The following WDR6 variants were observed in gnomAD, a reference collection of about 807,000 sequenced individuals.
WDR6 encodes the protein tRNA (34-2'-O)-methyltransferase regulator WDR6.
In WDR6, 58 loss-of-function variants were observed where a neutral mutation model predicts 85.6. The ratio of observed to expected loss-of-function variants is 0.68; its 90% CI spans 0.55 to 0.84. WDR6 has a LOEUF of 0.84. Ranked by LOEUF, WDR6 falls within the 40% of genes least tolerant of loss-of-function variation. The pLI is 0.00. For missense variants in WDR6, 1,310 were observed against 1,476.4 expected, an observed-to-expected ratio of 0.89 and a Z score of 1.85; for synonymous variants, 569 against 582.2, an observed-to-expected ratio of 0.98 and a Z score of 0.33.
rs546787787 is a variant in WDR6 at position 49,013,639 on chromosome 3, G to A, written c.2105G>A (p.Arg702His). 2.5e-5 allele frequency: 41 copies of A among 1,613,990 alleles called. No homozygotes were observed. The highest frequency in any genetic ancestry group is 1.6e-4 in the South Asian group (15 of 91,086). The change falls in exon 2 of 6, where the codon CGT becomes CAT. Residue 702 changes from arginine to histidine, a missense_variant. Transcript: ENST00000608424. The surrounding 1 kb of genome is among the most constrained non-coding windows in gnomAD (Gnocchi z 4.6). ...ATTCTCCGGGAGGGTCTGCATGGCC[G>A]TGAGATCACTTGTGTAAAGCGTGTG... The part of the protein sequence containing the change: ...HVILREGLHG[R>H]EITCVKRVGT...
Position 49,015,151 on chromosome 3 carries a change from G to A in WDR6, c.3229G>A (p.Glu1077Lys). Residue 1077 changes from glutamate to lysine, a missense_variant, in exon 6 of 6, where the codon GAA (glutamate) becomes AAA (lysine). Physicochemically the swap from Glu to Lys is moderately conservative, Grantham distance 56 (BLOSUM62 1). Coordinates refer to ENST00000608424, the MANE Select transcript of WDR6 (RefSeq NM_018031.6). ...GACCTTCTGGCGTCTGGGGCATGGTGAACCCACCTTCATGAATAGCACTGT... is the reference window on the plus strand; with the variant it reads ...GACCTTCTGGCGTCTGGGGCATGGTAAACCCACCTTCATGAATAGCACTGT... ...RLTFWRLGHG[E>K]PTFMNSTVFH... 1 of 1,613,912 alleles carries A rather than the reference G, an allele frequency of 6.2e-7. No individual in the cohort carries two copies. Among genetic ancestry groups the A allele is most frequent in the Non-Finnish European group, 8.5e-7 (1 of 1,180,036 alleles).
At position 49,015,943 on chromosome 3, in the gene WDR6, T is replaced by A. The variant is rs776558997; in HGVS notation, c.*655T>A. On this transcript the variant is annotated 3_prime_UTR_variant, in exon 6 of 6. Transcript: ENST00000608424. ...CCCCAGGCCAGAATAAAGAATAGAG[T>A]GTAGAGTGTCCTGGTTGTCTATGCC... is the stretch of plus-strand genomic sequence containing the variant. 1.7e-5 allele frequency: 28 copies of A among 1,613,880 alleles called. No individual in the cohort carries two copies. The highest frequency in any genetic ancestry group is 2.4e-5 in the Non-Finnish European group (28 of 1,180,008).
At position 49,014,777 on chromosome 3, in the gene WDR6, CAT is replaced by C. The variant is rs760655457; in HGVS notation, c.2903-47_2903-46del. On this transcript the variant is annotated intron_variant, in intron 5 of 5. Transcript: ENST00000608424. This position sits in a 1 kb window ranked among gnomAD's most constrained non-coding sequence, Gnocchi z 4.9. ...CCTCACCTGTCACATAGCCCTCACA[CAT>C]GTGGCAGGCGGGGCCCTGACAACTA... The C allele has an allele frequency of 2.0e-5, 32 of 1,606,256 alleles. No individual in the cohort carries two copies. Among genetic ancestry groups the C allele is most frequent in the Admixed American group, 1.3e-4 (8 of 59,566 alleles).
At position 49,013,611 on chromosome 3, in the gene WDR6, G is replaced by A. The variant is rs148436883; in HGVS notation, c.2077G>A (p.Val693Met). The A allele has an allele frequency of 3.2e-5, 51 of 1,613,986 alleles. No individual in the cohort carries two copies. Among genetic ancestry groups the A allele is most frequent in the Non-Finnish European group, 4.0e-5 (47 of 1,180,014 alleles). The part of the protein sequence containing the change: ...RALGGCTRPH[V>M]ILREGLHGRE... ...TCTGGGTGGCTGCACCCGGCCACAC[G>A]TGATTCTCCGGGAGGGTCTGCATGG... Residue 693 changes from valine (V) to methionine (M), a missense_variant, in exon 2 of 6, where the codon GTG (valine) becomes ATG (methionine). Coordinates refer to ENST00000608424, the MANE Select transcript of WDR6 (RefSeq NM_018031.6). The surrounding 1 kb of genome is among the most constrained non-coding windows in gnomAD (Gnocchi z 4.6).
chr3:49,012,996 C>G lies in WDR6; in HGVS notation c.1462C>G (p.Pro488Ala), dbSNP rs1425082508. 2.5e-6 allele frequency: 4 copies of G among 1,613,836 alleles called. No individual in the cohort carries two copies. The highest frequency in any genetic ancestry group is 3.4e-6 in the Non-Finnish European group (4 of 1,179,926). ...GGAACGTTGTCGGTACCTGCTGCCC[C>G]CAAGCAAGCAGAGATGGCACACATG... ...VKERCRYLLP[P>A]SKQRWHTCSA... The change falls in exon 2 of 6, where the codon CCA (proline) becomes GCA (alanine). Residue 488 changes from proline to alanine, a missense_variant. Transcript: ENST00000608424. This position sits in a 1 kb window ranked among gnomAD's most constrained non-coding sequence, Gnocchi z 4.4.
Position 49,012,660 on chromosome 3 carries a change from G to A in WDR6, c.1126G>A (p.Val376Ile), listed in dbSNP as rs780078464. ...TACAGGGGCCCTGTATCTCTATGAC[G>A]TCGAGGTCAAGTGCTGGGAGCAGCT... ...TDTGALYLYD[V>I]EVKCWEQLLE... Residue 376 changes from valine (V) to isoleucine (I), a missense_variant, in exon 2 of 6, where the codon GTC (valine) becomes ATC (isoleucine). By Grantham distance (29) the Val-to-Ile change is conservative. Coordinates refer to ENST00000608424, the MANE Select transcript of WDR6 (RefSeq NM_018031.6). This position sits in a 1 kb window ranked among gnomAD's most constrained non-coding sequence, Gnocchi z 4.4. The A allele has an allele frequency of 2.9e-5, 46 of 1,613,900 alleles. No individual in the cohort carries two copies. Among genetic ancestry groups the A allele is most frequent in the Non-Finnish European group, 3.5e-5 (41 of 1,180,010 alleles).
At position 49,013,134 on chromosome 3, in the gene WDR6, G is replaced by T. The variant is rs750163545; in HGVS notation, c.1600G>T (p.Ala534Ser). 3 of 1,607,930 alleles carry T rather than the reference G, an allele frequency of 1.9e-6. No individual in the cohort carries two copies. Among genetic ancestry groups the T allele is most frequent in the Non-Finnish European group, 2.6e-6 (3 of 1,176,070 alleles). ...LLKDPGVGGK[A>S]RAGAGAPVVG... ...CAAGGACCCTGGGGTGGGAGGCAAG[G>T]CTCGGGCTGGTGCTGGGGCACCTGT... Residue 534 changes from alanine to serine, a missense_variant, in exon 2 of 6, where the codon GCT (alanine) becomes TCT (serine). Coordinates refer to ENST00000608424, the MANE Select transcript of WDR6 (RefSeq NM_018031.6). This position sits in a 1 kb window ranked among gnomAD's most constrained non-coding sequence, Gnocchi z 4.6.
rs149548987 is a variant in WDR6 at position 49,015,020 on chromosome 3, G to C, written c.3098G>C (p.Arg1033Pro). 6.2e-7 allele frequency: 1 copy of C among 1,614,036 alleles called. No individual in the cohort carries two copies. Among genetic ancestry groups the C allele is most frequent in the South Asian group, 1.1e-5 (1 of 91,090 alleles). Reference sequence around the variant, plus strand: ...GAGGCTGGGCTGGTACCCCAGCTGCGTGTGCTAGAGGAATACTCTGTCCCC... The same window carrying C: ...GAGGCTGGGCTGGTACCCCAGCTGCCTGTGCTAGAGGAATACTCTGTCCCC... Reference protein sequence around the residue: ...VGEAGLVPQLRVLEEYSVPCA... With the variant: ...VGEAGLVPQLPVLEEYSVPCA... Residue 1033 changes from arginine (R) to proline (P), a missense_variant, in exon 6 of 6, where the codon CGT becomes CCT. Coordinates refer to ENST00000608424, the MANE Select transcript of WDR6 (RefSeq NM_018031.6).
chr3:49,010,383 G>A (rs2093007985), intron 1 of WDR6, among the ~76,000 whole-genome samples: 1 of 150,990 alleles, frequency 6.6e-6, no homozygotes. Context: ...TCCAGCTTGG[G>A]CGGCAGAGTG....
rs754725468 is a variant in WDR6 at position 49,014,088 on chromosome 3, C to G, written c.2554C>G (p.Arg852Gly). Residue 852 changes from arginine (R) to glycine (G), a missense_variant, in exon 2 of 6, where the codon CGG (arginine) becomes GGG (glycine). Coordinates refer to ENST00000608424, the MANE Select transcript of WDR6 (RefSeq NM_018031.6). The surrounding 1 kb of genome is among the most constrained non-coding windows in gnomAD (Gnocchi z 4.9). Reference sequence around the variant, plus strand: ...TTGGGACCGGCAACGCAATCGGCATCGGATGGTTAAGGTAGACCCAGAGAC... The same window carrying G: ...TTGGGACCGGCAACGCAATCGGCATGGGATGGTTAAGGTAGACCCAGAGAC... Reference protein sequence around the residue: ...EYWDRQRNRHRMVKVDPETRY... With the variant: ...EYWDRQRNRHGMVKVDPETRY... The G allele has an allele frequency of 1.9e-6, 3 of 1,613,472 alleles. No homozygotes were observed. The highest frequency in any genetic ancestry group is 1.3e-5 in the African/African-American group (1 of 75,026).
chr3:49,011,267 G>A, intron 1 of WDR6: 1 of 407,508 alleles, frequency 2.5e-6, no homozygotes, highest in South Asian at 2.0e-5. Flanking sequence ...TAGTAGAGAT[G>A]GGGTTTTCAC....
Position 49,015,248 on chromosome 3 carries a change from T to C in WDR6, c.3326T>C (p.Leu1109Pro). 1 of 1,613,046 alleles carries C rather than the reference T, an allele frequency of 6.2e-7. No individual in the cohort carries two copies. Among genetic ancestry groups the C allele is most frequent in the Non-Finnish European group, 8.5e-7 (1 of 1,180,010 alleles). The part of the protein sequence containing the change: ...VSPEFGHRCA[L>P]GGQGLEVYNW... ...CCTGAGTTTGGCCACCGTTGTGCCC[T>C]TGGGGGTCAGGGGCTTGAGGTTTAC... is the stretch of plus-strand genomic sequence containing the variant. The change falls in exon 6 of 6, where the codon CTT (leucine) becomes CCT (proline). Residue 1109 changes from leucine (L) to proline (P), a missense_variant. By Grantham distance (98) the Leu-to-Pro change is moderately conservative. Coordinates refer to ENST00000608424, the MANE Select transcript of WDR6 (RefSeq NM_018031.6).
At position 49,015,935 on chromosome 3, in the gene WDR6, G is replaced by A. The variant is rs746172211; in HGVS notation, c.*647G>A. The A allele has an allele frequency of 1.2e-6, 2 of 1,614,046 alleles. No homozygotes were observed. The highest frequency in any genetic ancestry group is 1.7e-6 in the Non-Finnish European group (2 of 1,180,032). On this transcript the variant is annotated 3_prime_UTR_variant, in exon 6 of 6. Transcript: ENST00000608424. ...CTCTTGTGCCCCAGGCCAGAATAAAGAATAGAGTGTAGAGTGTCCTGGTTG... is the reference window on the plus strand; with the variant it reads ...CTCTTGTGCCCCAGGCCAGAATAAAAAATAGAGTGTAGAGTGTCCTGGTTG...
intron 1 of WDR6, 196 bp from the exon 2 acceptor site, chr3:49,011,439 C>T (rs1356388463): frequency 6.5e-7 from 1 of 1,540,804 alleles, no homozygotes; most frequent in African/African-American, 1.4e-5. Context: ...TTTGGCTTTC[C>T]AAAGTGCCCA....
Position 49,013,219 on chromosome 3 carries a change from C to T in WDR6, c.1685C>T (p.Thr562Ile), listed in dbSNP as rs765365103. Residue 562 changes from threonine (T) to isoleucine (I), a missense_variant, in exon 2 of 6, where the codon ACC becomes ATC. Thr to Ile is a moderately conservative substitution (Grantham distance 89). Transcript: ENST00000608424. The surrounding 1 kb of genome is among the most constrained non-coding windows in gnomAD (Gnocchi z 4.6). The part of the protein sequence containing the change: ...NAFTGLGPVS[T>I]LPSLHGKQGV... ...TTCACTGGGTTGGGCCCAGTGTCTACCCTGCCCTCTCTGCACGGGAAGCAG... is the reference window on the plus strand; with the variant it reads ...TTCACTGGGTTGGGCCCAGTGTCTATCCTGCCCTCTCTGCACGGGAAGCAG... 5.0e-6 allele frequency: 8 copies of T among 1,613,826 alleles called. No homozygotes were observed. Among genetic ancestry groups the T allele is most frequent in the African/African-American group, 1.3e-5 (1 of 74,912 alleles).
chr3:49,014,731 T>A lies in WDR6; in HGVS notation c.2902+13T>A. On this transcript the variant is annotated intron_variant, in intron 5 of 5. Transcript: ENST00000608424. The surrounding 1 kb of genome is among the most constrained non-coding windows in gnomAD (Gnocchi z 4.9). ...GGGCTTCCCTACCGTGAGTAGCTAATGTGCAACCATGGCTACCCCTCCTCA... is the reference window on the plus strand; with the variant it reads ...GGGCTTCCCTACCGTGAGTAGCTAAAGTGCAACCATGGCTACCCCTCCTCA... 6.2e-7 allele frequency: 1 copy of A among 1,612,606 alleles called. No individual in the cohort carries two copies. Among genetic ancestry groups the A allele is most frequent in the Non-Finnish European group, 8.5e-7 (1 of 1,179,296 alleles).
Position 49,014,313 on chromosome 3 carries a change from T to G in WDR6, c.2666+20T>G. ...CGTAAGGTGAGAGCATAGGGCCCAG[T>G]GGGACAGGAGACAAAGGAAGTAAGG... On this transcript the variant is annotated intron_variant, in intron 3 of 5. Coordinates refer to ENST00000608424, the MANE Select transcript of WDR6 (RefSeq NM_018031.6). This position sits in a 1 kb window ranked among gnomAD's most constrained non-coding sequence, Gnocchi z 4.9. 6.2e-7 allele frequency: 1 copy of G among 1,614,074 alleles called. No individual in the cohort carries two copies. Among genetic ancestry groups the G allele is most frequent in the South Asian group, 1.1e-5 (1 of 91,082 alleles).
chr3:49,007,449 C>T lies in WDR6; in HGVS notation c.18C>T (p.Asp6=), dbSNP rs1263873183. MDALE[D]YVWPRATSEL... is the part of the protein sequence containing the mutation. ...GGATCGACATGGACGCTCTCGAGGA[C>T]TACGTTTGGCCGCGGGCAACCTCGG... Residue 6 remains aspartate (D), a synonymous_variant, in exon 1 of 6, where the codon GAC becomes GAT. Transcript: ENST00000608424. The surrounding 1 kb of genome is among the most constrained non-coding windows in gnomAD (Gnocchi z 5.1). 1.2e-6 allele frequency: 2 copies of T among 1,612,368 alleles called. No individual in the cohort carries two copies. The highest frequency in any genetic ancestry group is 1.1e-5 in the South Asian group (1 of 90,742).
Position 49,015,050 on chromosome 3 carries a change from C to G in WDR6, c.3128C>G (p.Ala1043Gly). Residue 1043 changes from alanine to glycine, a missense_variant, in exon 6 of 6, where the codon GCA (alanine) becomes GGA (glycine). Coordinates refer to ENST00000608424, the MANE Select transcript of WDR6 (RefSeq NM_018031.6). ...RVLEEYSVPC[A>G]HAAHVTGLKI... Reference sequence around the variant, plus strand: ...CTAGAGGAATACTCTGTCCCCTGTGCACATGCTGCCCATGTGACAGGCCTC... The same window carrying G: ...CTAGAGGAATACTCTGTCCCCTGTGGACATGCTGCCCATGTGACAGGCCTC... 6.2e-7 allele frequency: 1 copy of G among 1,614,172 alleles called. No homozygotes were observed. The highest frequency in any genetic ancestry group is 8.5e-7 in the Non-Finnish European group (1 of 1,180,042).
Sources: allele counts gnomAD v4.1 joint callset (sites outside exome capture counted in the v4.1 genomes callset), GRCh38; gene constraint gnomAD v4.1.1; non-coding constraint Gnocchi (gnomAD v3.1); transcripts MANE v1.5; gene names NCBI Gene and HGNC (gene_info 2026-07-23, HGNC 2026-07-21).